OSBPL6: variants seen among roughly 807,000 people sequenced by gnomAD.
The protein encoded by OSBPL6 is oxysterol-binding protein-related protein 6.
In OSBPL6, 49 loss-of-function variants were observed where a neutral mutation model predicts 125.8. The observed-to-expected ratio is 0.39, with a 90% confidence interval of 0.31 to 0.49. The LOEUF (loss-of-function observed/expected upper bound fraction) is 0.49. Among genes scored for constraint, OSBPL6 ranks in the 20% least tolerant of loss-of-function variants. The pLI is 0.88. For missense variants in OSBPL6, 986 were observed against 1,135.4 expected, an observed-to-expected ratio of 0.87 and a Z score of 1.89; for synonymous variants, 394 against 391.8, an observed-to-expected ratio of 1.01 and a Z score of -0.07.
intron 1 of OSBPL6, among the ~76,000 whole-genome samples, chr2:178,211,145 C>G (rs1306133862): frequency 3.3e-5 from 5 of 152,122 alleles, no homozygotes; most frequent in African/African-American, 1.2e-4. Flanking sequence ...GTGGTGCGCG[C>G]CTGTAGTCCC....
At chr2:178,225,888 G>A (rs1203766496) in intron 1 of OSBPL6, among the ~76,000 whole-genome samples, 1 of 152,188 alleles carries the variant, frequency 6.6e-6, no homozygotes. Context: ...GGAGCTACAA[G>A]ATGAAATTTG....
chr2:178,397,816 C>T lies in OSBPL6; in HGVS notation c.*2257C>T, dbSNP rs1695937745. On this transcript the variant is annotated 3_prime_UTR_variant, in exon 25 of 25. Coordinates refer to ENST00000190611, the MANE Select transcript of OSBPL6 (RefSeq NM_032523.4). ...GAAAAAATAGTAGAAAGGATCTTTA[C>T]CAGACAGTAAGGTCATGGTACAAAT... is the stretch of plus-strand genomic sequence containing the variant. The T allele has an allele frequency of 6.6e-6, 1 of 152,158 alleles. No individual in the cohort carries two copies. The highest frequency in any genetic ancestry group is 1.5e-5 in the Non-Finnish European group (1 of 68,034). The allele number at this position is 152,158 out of a possible 1,614,324, so 9.4% of individuals were successfully genotyped here. A position where few individuals can be genotyped will look rare whatever the true frequency, so the allele number is the denominator to read the frequency against.
At chr2:178,344,425 C>T in intron 11 of OSBPL6, 2 of 1,507,146 alleles carry the variant, frequency 1.3e-6, no homozygotes, top group Non-Finnish European at 1.8e-6. Context: ...AAGGATGACT[C>T]CCCTGTCCTG....
At chr2:178,247,909 GTA>G (rs2091551499) in intron 1 of OSBPL6, among the ~76,000 whole-genome samples, 1 of 152,118 alleles carries the variant, frequency 6.6e-6, no homozygotes, top group Admixed American at 6.5e-5. Flanking sequence ...CTACTTATAG[GTA>G]ATTTGAAGTT....
chr2:178,384,044 C>T lies in OSBPL6; in HGVS notation c.1881C>T (p.Leu627=), dbSNP rs780932405. Residue 627 remains leucine, a synonymous_variant, in exon 18 of 25, where the codon CTC becomes CTT. Transcript: ENST00000190611. ...ETDDPYERMV[L]VAAFAVSGYC... is the part of the protein sequence containing the mutation. ...TTTCTTCAATGTTTTAACAGGTTCT[C>T]GTTGCCGCATTTGCAGTTTCAGGAT... 10 of 1,613,630 alleles carry T rather than the reference C, an allele frequency of 6.2e-6. No individual in the cohort carries two copies. Among genetic ancestry groups the T allele is most frequent in the Admixed American group, 5.0e-5 (3 of 59,990 alleles).
chr2:178,383,585 A>G (rs1489139516), intron 17 of OSBPL6, among the ~76,000 whole-genome samples: 1 of 152,198 alleles, frequency 6.6e-6, no homozygotes, highest in Non-Finnish European at 1.5e-5. Flanking sequence ...GAATGTCAGG[A>G]TAGCCCATCT....
intron 12 of OSBPL6, among the ~76,000 whole-genome samples, chr2:178,353,884 C>G (rs935193630): frequency 5.9e-5 from 9 of 152,208 alleles, no homozygotes; most frequent in Non-Finnish European, 7.3e-5. Context: ...ATCAGGCTAA[C>G]AGTGGATCTC....
intron 2 of OSBPL6, among the ~76,000 whole-genome samples, chr2:178,298,792 C>T (rs1686004809): frequency 6.6e-6 from 1 of 151,064 alleles, no homozygotes; most frequent in Non-Finnish European, 1.5e-5. Context: ...GGTTCAAGGA[C>T]ATTTTTAACC....
intron 13 of OSBPL6, among the ~76,000 whole-genome samples, chr2:178,368,804 C>CT (rs5836651): frequency 0.51 from 74,280 of 146,218 alleles, 18,777 homozygotes; most frequent in East Asian, 0.63. Context: ...AAAAAAAATC[C>CT]TTTTTTTTTT....
In OSBPL6 at chr2:178,396,872, A is replaced by G. The variant is rs72953335; in HGVS notation, c.*1313A>G. 2 of 152,368 alleles carry G rather than the reference A, an allele frequency of 1.3e-5. No individual in the cohort carries two copies. Among genetic ancestry groups the G allele is most frequent in the Non-Finnish European group, 1.5e-5 (1 of 68,026 alleles). The allele number at this position is 152,368 out of a possible 1,614,324, so 9.4% of individuals were successfully genotyped here. Reference sequence around the variant, plus strand: ...CACTAATATACAGAGGCTTTTGCAGAAAACTTGCATCAGTATTCCTGTTTC... The same window carrying G: ...CACTAATATACAGAGGCTTTTGCAGGAAACTTGCATCAGTATTCCTGTTTC... On this transcript the variant is annotated 3_prime_UTR_variant, in exon 25 of 25. Transcript: ENST00000190611.
At chr2:178,337,732 C>T (rs1265788302) in intron 9 of OSBPL6, among the ~76,000 whole-genome samples, 1 of 152,168 alleles carries the variant, frequency 6.6e-6, no homozygotes, top group Non-Finnish European at 1.5e-5. Flanking sequence ...AGTCCTTGGC[C>T]TTAAACTGAA....
chr2:178,291,199 T>A (rs945413418), intron 2 of OSBPL6, among the ~76,000 whole-genome samples: 2 of 152,102 alleles, frequency 1.3e-5, no homozygotes, highest in Admixed American at 6.5e-5. Context: ...CCCAACTCCA[T>A]TTTTAGTATT....
intron 1 of OSBPL6, among the ~76,000 whole-genome samples, chr2:178,227,432 G>A (rs1289310623): frequency 1.3e-5 from 2 of 152,134 alleles, no homozygotes; most frequent in Non-Finnish European, 2.9e-5. Flanking sequence ...CTGCAACTCA[G>A]CATTTTACTC....
At chr2:178,352,557 G>A (rs529179724) in intron 12 of OSBPL6, among the ~76,000 whole-genome samples, 71 of 152,302 alleles carry the variant, frequency 4.7e-4, no homozygotes, top group African/African-American at 1.6e-3. Context: ...CATTGCTGAG[G>A]CTCAAGTAGG....
At chr2:178,380,456 CA>C (rs60399092) in intron 15 of OSBPL6, among the ~76,000 whole-genome samples, 462 of 25,972 alleles carry the variant, frequency 0.018, no homozygotes, top group Middle Eastern at 0.029. Context: ...GAGTCTGTCT[CA>C]AAAAAAAAAA....
At chr2:178,369,213 C>A (rs1693146107) in intron 13 of OSBPL6, among the ~76,000 whole-genome samples, 1 of 152,172 alleles carries the variant, frequency 6.6e-6, no homozygotes, top group South Asian at 2.1e-4. Context: ...TAAGTAAGGA[C>A]ACAGGTGATA....
chr2:178,263,806 CGT>C (rs71393413), intron 1 of OSBPL6, among the ~76,000 whole-genome samples: 26,914 of 147,746 alleles, frequency 0.18, 2,450 homozygotes, highest in South Asian at 0.27. Flanking sequence ...ACTGTGTACA[CGT>C]GTGTGTGTGT....
At chr2:178,365,340 G>A (rs992950579) in intron 13 of OSBPL6, among the ~76,000 whole-genome samples, 2 of 152,204 alleles carry the variant, frequency 1.3e-5, no homozygotes, top group East Asian at 1.9e-4. Context: ...CTTTTCGAAG[G>A]CACATAGCAG....
intron 1 of OSBPL6, among the ~76,000 whole-genome samples, chr2:178,227,199 T>A (rs1208101018): frequency 6.6e-6 from 1 of 152,238 alleles, no homozygotes; most frequent in Non-Finnish European, 1.5e-5. Flanking sequence ...CTAAGTTTTA[T>A]CAGAAATGTT....
Sources: gnomAD v4.1 joint callset for allele counts (sites outside exome capture counted in the v4.1 genomes callset) on GRCh38, gnomAD v4.1.1 for gene constraint, MANE v1.5 for transcripts, NCBI Gene and HGNC (gene_info 2026-07-23, HGNC 2026-07-21) for gene names.